The following KIAA1328 variants were observed in gnomAD, a reference collection of about 807,000 sequenced individuals.
The protein encoded by KIAA1328 is protein hinderin.
KIAA1328 carries 52 observed loss-of-function variants against 68.1 expected under a neutral mutation model. The observed-to-expected ratio is 0.76, with a 90% CI of 0.61 to 0.96. The LOEUF is 0.96. Among genes scored for constraint, KIAA1328 ranks in the 40% least tolerant of loss-of-function variants. The pLI, the probability that KIAA1328 is intolerant of heterozygous loss-of-function variation, is 0.00. For missense variants in KIAA1328, 641 were observed against 677.6 expected (o/e 0.95, Z 0.60); for synonymous variants, 232 against 239.4 (o/e 0.97, Z 0.28).
chr18:36,890,994 A>G (rs1476223637), intron 5 of KIAA1328, among the ~76,000 whole-genome samples: 1 of 152,224 alleles, frequency 6.6e-6, no homozygotes, highest in Non-Finnish European at 1.5e-5. Context: ...AACATGGTAG[A>G]TGAATAAACA....
chr18:36,948,554 C>CT (rs528683320), intron 5 of KIAA1328, among the ~76,000 whole-genome samples: 3,087 of 133,774 alleles, frequency 0.023, 61 homozygotes, highest in Admixed American at 0.054. Context: ...GCCACCACGC[C>CT]TTTTTTTTTT....
chr18:36,970,193 C>CA (rs1284075069), intron 6 of KIAA1328, among the ~76,000 whole-genome samples: 2 of 152,098 alleles, frequency 1.3e-5, no homozygotes, highest in Non-Finnish European at 2.9e-5. Flanking sequence ...ATAAATGAAC[C>CA]AATGACAAAA....
At chr18:37,050,929 C>T (rs1335240934) in intron 6 of KIAA1328, among the ~76,000 whole-genome samples, 1 of 152,134 alleles carries the variant, frequency 6.6e-6, no homozygotes, top group Non-Finnish European at 1.5e-5. Flanking sequence ...TGTTTTTCAG[C>T]TCTTAAACGT....
intron 7 of KIAA1328, among the ~76,000 whole-genome samples, chr18:37,098,121 G>A (rs1357079016): frequency 1.3e-5 from 2 of 152,086 alleles, no homozygotes; most frequent in African/African-American, 4.8e-5. Context: ...TTGAATAGGA[G>A]TGGTGAGAGA....
intron 9 of KIAA1328, among the ~76,000 whole-genome samples, chr18:37,194,347 T>C (rs1471158545): frequency 6.6e-6 from 1 of 152,206 alleles, no homozygotes; most frequent in African/African-American, 2.4e-5. Context: ...AGAATAAACT[T>C]TTATGTTTCA....
intron 6 of KIAA1328, among the ~76,000 whole-genome samples, chr18:37,020,414 C>T (rs916608392): frequency 6.6e-6 from 1 of 152,180 alleles, no homozygotes; most frequent in African/African-American, 2.4e-5. Context: ...TGAGCCACCA[C>T]GCCCAGCCGA....
chr18:36,888,349 G>T (rs1185348628), intron 5 of KIAA1328, among the ~76,000 whole-genome samples: 1 of 152,122 alleles, frequency 6.6e-6, no homozygotes, highest in East Asian at 1.9e-4. Context: ...TTCAGTAAAG[G>T]TTTGCTGGTT....
chr18:37,111,234 T>C (rs2057921398), intron 7 of KIAA1328, among the ~76,000 whole-genome samples: 1 of 152,198 alleles, frequency 6.6e-6, no homozygotes, highest in African/African-American at 2.4e-5. Flanking sequence ...AGGCTGGAAC[T>C]TAGGAACAGG....
chr18:37,207,272 T>C (rs1358673587), intron 9 of KIAA1328, among the ~76,000 whole-genome samples: 1 of 152,142 alleles, frequency 6.6e-6, no homozygotes, highest in Admixed American at 6.6e-5. Context: ...TGCAAATAAA[T>C]TGTTTTAGCC....
intron 6 of KIAA1328, among the ~76,000 whole-genome samples, chr18:37,025,759 C>T (rs2054548065): frequency 6.6e-6 from 1 of 152,074 alleles, no homozygotes; most frequent in Non-Finnish European, 1.5e-5. Context: ...TAAATGCCCA[C>T]AAGAGAAAGC....
rs1288726682 is a variant in KIAA1328, at chr18:36,885,568, A to G, written c.344A>G (p.Glu115Gly). 1 of 1,549,400 alleles carries G rather than the reference A, an allele frequency of 6.5e-7. No homozygotes were observed. Among genetic ancestry groups the G allele is most frequent in the Non-Finnish European group, 8.7e-7 (1 of 1,153,172 alleles). ...TTTTTTTATTTCAGAGTAAGTGAGG[A>G]AAAGGAAGTGACAGAGGAAAGACTG... ...LIKELARVSE[E>G]KEVTEERLKA... The change falls in exon 5 of 10, where the codon GAA becomes GGA. Residue 115 changes from glutamate (E) to glycine (G), a missense_variant. Physicochemically the swap from Glu to Gly is moderately conservative, Grantham distance 98. Transcript: ENST00000280020.
chr18:37,217,802 C>A (rs2060475256), intron 9 of KIAA1328, among the ~76,000 whole-genome samples: 1 of 152,212 alleles, frequency 6.6e-6, no homozygotes, highest in African/African-American at 2.4e-5. Context: ...CTTTCAGGTA[C>A]ACCAATCAAA....
At chr18:36,881,208 A>T (rs1260381393) in intron 4 of KIAA1328, among the ~76,000 whole-genome samples, 1 of 150,840 alleles carries the variant, frequency 6.6e-6, no homozygotes, top group Non-Finnish European at 1.5e-5. Flanking sequence ...AGTACTGTGT[A>T]TCATACTATC....
intron 5 of KIAA1328, among the ~76,000 whole-genome samples, chr18:36,926,549 C>G (rs992971947): frequency 4.6e-5 from 7 of 152,162 alleles, no homozygotes; most frequent in African/African-American, 1.7e-4. Context: ...GGTTTCTCCA[C>G]TGTAGTGTTA....
intron 4 of KIAA1328, among the ~76,000 whole-genome samples, chr18:36,852,255 G>A (rs998100418): frequency 2.0e-5 from 3 of 152,122 alleles, no homozygotes; most frequent in Admixed American, 2.0e-4. Context: ...GTATTTAGCT[G>A]TTACTTGGTT....
intron 1 of KIAA1328, chr18:36,832,819 G>A (rs1409566241): frequency 1.3e-5 from 2 of 150,498 alleles, no homozygotes; most frequent in Admixed American, 6.6e-5. Flanking sequence ...CATGAATAAG[G>A]AAAATATATG....
At chr18:37,105,742 C>A (rs2057752153) in intron 7 of KIAA1328, among the ~76,000 whole-genome samples, 1 of 150,540 alleles carries the variant, frequency 6.6e-6, no homozygotes, top group South Asian at 2.1e-4. Context: ...CATGGTGAAA[C>A]CCCATCTCTA....
chr18:36,921,748 T>C (rs2049934577), intron 5 of KIAA1328, among the ~76,000 whole-genome samples: 1 of 152,152 alleles, frequency 6.6e-6, no homozygotes, highest in Non-Finnish European at 1.5e-5. Flanking sequence ...AGATTTACTA[T>C]GACTTGTGTG....
chr18:36,879,930 G>A (rs756746706), intron 4 of KIAA1328, among the ~76,000 whole-genome samples: 147 of 152,318 alleles, frequency 9.7e-4, no homozygotes, highest in African/African-American at 1.6e-3. Context: ...TGCTGGCAGC[G>A]AGAATTTCAA....
Sources: gnomAD v4.1 joint callset for allele counts (sites outside exome capture counted in the v4.1 genomes callset) on GRCh38, gnomAD v4.1.1 for gene constraint, MANE v1.5 for transcripts, NCBI Gene and HGNC (gene_info 2026-07-23, HGNC 2026-07-21) for gene names.